The following PPP2R5E variants were observed in gnomAD, a reference collection of about 807,000 sequenced individuals.
The protein encoded by PPP2R5E is protein phosphatase 2 regulatory subunit B'epsilon.
Under a neutral mutation model 65.3 loss-of-function variants are expected in PPP2R5E, and 4 were observed. The observed-to-expected ratio is 0.06, with a 90% CI of 0.03 to 0.14. The LOEUF is 0.14. Among genes scored for constraint, PPP2R5E ranks in the 10% least tolerant of loss-of-function variants. The pLI, the probability that PPP2R5E is intolerant of heterozygous loss-of-function variation, is 1.00. For missense variants in PPP2R5E, 274 were observed against 556.1 expected, an observed-to-expected ratio of 0.49 and a Z score of 5.10; for synonymous variants, 183 against 187.4, an observed-to-expected ratio of 0.98 and a Z score of 0.19.
intron 2 of PPP2R5E, among the ~76,000 whole-genome samples, chr14:63,458,106 A>G (rs1365629954): frequency 1.3e-5 from 2 of 152,224 alleles, no homozygotes; most frequent in African/African-American, 4.8e-5. Flanking sequence ...TACGAGTGTG[A>G]CATGCAATGG....
intron 5 of PPP2R5E, among the ~76,000 whole-genome samples, chr14:63,405,585 A>G (rs1886023215): frequency 6.6e-6 from 1 of 152,252 alleles, no homozygotes; most frequent in Admixed American, 6.5e-5. Flanking sequence ...CTTGAATAGT[A>G]TGTCTCTCAG....
chr14:63,402,991 GA>G (rs1335535482), intron 5 of PPP2R5E, among the ~76,000 whole-genome samples: 11 of 152,178 alleles, frequency 7.2e-5, no homozygotes, highest in Non-Finnish European at 1.5e-4. Context: ...AAGATACAAA[GA>G]AGACAGGTCA....
At chr14:63,428,369 C>T (rs959739431) in intron 3 of PPP2R5E, among the ~76,000 whole-genome samples, 1 of 152,156 alleles carries the variant, frequency 6.6e-6, no homozygotes, top group African/African-American at 2.4e-5. Context: ...TTCAGATAAA[C>T]GACAAATAAT....
chr14:63,394,328 G>A (rs1163862914), intron 7 of PPP2R5E, among the ~76,000 whole-genome samples: 2 of 151,996 alleles, frequency 1.3e-5, no homozygotes, highest in African/African-American at 4.8e-5. Flanking sequence ...CAAATGATCT[G>A]CCCACCTTGG....
intron 2 of PPP2R5E, among the ~76,000 whole-genome samples, chr14:63,537,172 CTAATT>C (rs1893697384): frequency 6.6e-6 from 1 of 152,010 alleles, no homozygotes; most frequent in South Asian, 2.1e-4. Context: ...CAGTGAAGTC[CTAATT>C]TAATTGTTTA....
intron 2 of PPP2R5E, among the ~76,000 whole-genome samples, chr14:63,481,107 T>C (rs777095041): frequency 6.6e-6 from 1 of 152,226 alleles, no homozygotes; most frequent in Non-Finnish European, 1.5e-5. Context: ...TTCAAGGGAC[T>C]GAGTGATGCT....
chr14:63,502,827 T>C (rs904529726), intron 2 of PPP2R5E, among the ~76,000 whole-genome samples: 13 of 152,206 alleles, frequency 8.5e-5, no homozygotes, highest in Non-Finnish European at 1.3e-4. Flanking sequence ...TCATGAAATA[T>C]AGTAATAGTC....
chr14:63,506,376 G>A (rs533098137), intron 2 of PPP2R5E, among the ~76,000 whole-genome samples: 53 of 152,214 alleles, frequency 3.5e-4, no homozygotes, highest in Non-Finnish European at 6.0e-4. Context: ...GCGTGAACCC[G>A]GGAGGCGGAC....
chr14:63,380,308 T>G (rs897840348), intron 13 of PPP2R5E, among the ~76,000 whole-genome samples: 2 of 152,092 alleles, frequency 1.3e-5, no homozygotes. Context: ...GATTTTAAGT[T>G]TGGGGCAAGG....
At chr14:63,521,190 A>G (rs1417413556) in intron 2 of PPP2R5E, among the ~76,000 whole-genome samples, 1 of 152,382 alleles carries the variant, frequency 6.6e-6, no homozygotes, top group East Asian at 1.9e-4. Flanking sequence ...CAGTACAGTT[A>G]AAATAAATCC....
intron 8 of PPP2R5E, 49 bp downstream of exon 8, chr14:63,393,771 G>T: frequency 7.6e-7 from 1 of 1,319,880 alleles, no homozygotes; most frequent in Non-Finnish European, 1.1e-6. Context: ...AAACGAGTTT[G>T]CAAACTTTTT....
At chr14:63,477,284 T>C (rs1319918376) in intron 2 of PPP2R5E, among the ~76,000 whole-genome samples, 1 of 152,088 alleles carries the variant, frequency 6.6e-6, no homozygotes, top group East Asian at 1.9e-4. Flanking sequence ...ATAATATAAA[T>C]AACCACCATT....
chr14:63,539,981 C>T (rs1209689697), intron 1 of PPP2R5E, among the ~76,000 whole-genome samples: 1 of 151,224 alleles, frequency 6.6e-6, no homozygotes, highest in African/African-American at 2.4e-5. Context: ...AAAAATTAGC[C>T]GGGCATGATG....
chr14:63,482,614 A>G (rs1890770174), intron 2 of PPP2R5E, among the ~76,000 whole-genome samples: 1 of 152,196 alleles, frequency 6.6e-6, no homozygotes, highest in South Asian at 2.1e-4. Context: ...TAATATGAGA[A>G]GGCATGAAAC....
chr14:63,374,632 A>AAG lies in PPP2R5E; in HGVS notation c.*1375_*1376dup. 2.1e-5 allele frequency: 1 copy of AAG among 48,054 alleles called. No individual in the cohort carries two copies. The highest frequency in any genetic ancestry group is 2.4e-4 in the African/African-American group (1 of 4,236). 3.0% of individuals were successfully genotyped at this position (48,054 alleles called of 1,614,324 possible). ...TTTAAATACAAAGCAGAGAGCCAAT[A>AAG]AGATATATATATATATATATATATA... On this transcript the variant is annotated 3_prime_UTR_variant, in exon 14 of 14. Transcript: ENST00000337537.
At chr14:63,402,708 T>C (rs1288926535) in intron 5 of PPP2R5E, among the ~76,000 whole-genome samples, 2 of 151,862 alleles carry the variant, frequency 1.3e-5, no homozygotes, top group African/African-American at 2.4e-5. Flanking sequence ...CCAGAGCATA[T>C]AACCAAAAAA....
At chr14:63,387,683 G>A (rs1452142078) in intron 11 of PPP2R5E, among the ~76,000 whole-genome samples, 2 of 151,462 alleles carry the variant, frequency 1.3e-5, no homozygotes, top group African/African-American at 2.4e-5. Flanking sequence ...TTCTTTCTTC[G>A]ACAAATTGAA....
chr14:63,530,535 G>C (rs1344243194), intron 2 of PPP2R5E, among the ~76,000 whole-genome samples: 1 of 150,682 alleles, frequency 6.6e-6, no homozygotes, highest in Non-Finnish European at 1.5e-5. Flanking sequence ...ACCTGGCCAG[G>C]ATTAAGCAAT....
chr14:63,430,377 G>A (rs1033741), intron 3 of PPP2R5E, among the ~76,000 whole-genome samples: 96,844 of 135,986 alleles, frequency 0.71, 34,287 homozygotes, highest in Non-Finnish European at 0.8. Context: ...ATACATGCAT[G>A]CATACATACA....
Sources: allele counts gnomAD v4.1 joint callset (sites outside exome capture counted in the v4.1 genomes callset), GRCh38; gene constraint gnomAD v4.1.1; transcripts MANE v1.5; gene names NCBI Gene and HGNC (gene_info 2026-07-23, HGNC 2026-07-21).